Variants in NF1 observed in about 807,000 individuals in gnomAD.
NF1 encodes the protein neurofibromin 1.
In NF1, 122 loss-of-function variants were observed where a neutral mutation model predicts 325.7. That is an observed-to-expected ratio of 0.37 (90% CI 0.32 to 0.44). The LOEUF is 0.44. Among genes scored for constraint, NF1 ranks in the 20% least tolerant of loss-of-function variants. NF1 has a pLI of 1.00. For missense variants in NF1, 2,140 were observed against 3,415.4 expected (o/e 0.63, Z 9.31); for synonymous variants, 1,091 against 1,186.0 (o/e 0.92, Z 1.65).
At chr17:31,128,597 A>T (rs1915084266) in intron 1 of NF1, 1 of 152,094 alleles carries the variant, frequency 6.6e-6, no homozygotes, top group Non-Finnish European at 1.5e-5. Context: ...GTTTGGCCCA[A>T]TATGAAATTC....
chr17:31,233,540 C>T (rs1456483055), intron 27 of NF1, among the ~76,000 whole-genome samples: 4 of 152,148 alleles, frequency 2.6e-5, no homozygotes, highest in South Asian at 2.1e-4. Flanking sequence ...TTGGAATCCA[C>T]GATTTGTGCC....
In NF1 at chr17:31,170,005, T is replaced by C. The variant is rs747519567; in HGVS notation, c.586+8T>C. On this transcript the variant is annotated splice_region_variant and intron_variant, in intron 5 of 57. Transcript: ENST00000358273. ...TAAAACGACTCCTGAAGGGTAAGTT[T>C]AAATGTATAATATATCTGAAAAAAA... The C allele has an allele frequency of 6.4e-7, 1 of 1,554,534 alleles. No homozygotes were observed. The highest frequency in any genetic ancestry group is 8.9e-7 in the Non-Finnish European group (1 of 1,127,180).
intron 36 of NF1, among the ~76,000 whole-genome samples, chr17:31,280,994 T>C (rs1211364270): frequency 2.0e-5 from 3 of 152,124 alleles, no homozygotes; most frequent in East Asian, 3.8e-4. Flanking sequence ...AAAGGAAATA[T>C]AGAACTATGA....
At chr17:31,111,625 C>T (rs1339611351) in intron 1 of NF1, among the ~76,000 whole-genome samples, 1 of 152,116 alleles carries the variant, frequency 6.6e-6, no homozygotes, top group African/African-American at 2.4e-5. Context: ...GGCAAAAAAA[C>T]CTGCCAAGCT....
intron 36 of NF1, among the ~76,000 whole-genome samples, chr17:31,268,826 G>T (rs995128270): frequency 6.6e-6 from 1 of 151,842 alleles, no homozygotes; most frequent in Non-Finnish European, 1.5e-5. Flanking sequence ...ATACTCCCAA[G>T]TAGCTGGGAC....
chr17:31,279,124 A>G (rs111460433), intron 36 of NF1, among the ~76,000 whole-genome samples: 1 of 152,108 alleles, frequency 6.6e-6, no homozygotes, highest in Admixed American at 6.5e-5. Context: ...ACACACCTGT[A>G]TAGTCTTAGC....
At chr17:31,194,653 A>C (rs2066403815) in intron 8 of NF1, among the ~76,000 whole-genome samples, 1 of 152,166 alleles carries the variant, frequency 6.6e-6, no homozygotes, top group African/African-American at 2.4e-5. Flanking sequence ...ATACATCAAA[A>C]AATTTAAAAT....
At chr17:31,173,015 C>G (rs1200689765) in intron 5 of NF1, among the ~76,000 whole-genome samples, 1 of 152,088 alleles carries the variant, frequency 6.6e-6, no homozygotes, top group Non-Finnish European at 1.5e-5. Flanking sequence ...GGCGCAGTGG[C>G]TCACACCTGT....
intron 29 of NF1, among the ~76,000 whole-genome samples, chr17:31,247,525 A>C (rs1377734927): frequency 6.6e-6 from 1 of 152,202 alleles, no homozygotes; most frequent in Non-Finnish European, 1.5e-5. Flanking sequence ...ATAGAAGTTA[A>C]AAACATGAGC....
At chr17:31,181,992 G>A (rs1303788396) in intron 7 of NF1, among the ~76,000 whole-genome samples, 1 of 152,128 alleles carries the variant, frequency 6.6e-6, no homozygotes, top group Non-Finnish European at 1.5e-5. Flanking sequence ...AGCAAACAAA[G>A]TAGTTTGAAA....
At chr17:31,182,454 T>C (rs571945307) in intron 7 of NF1, 54 bp from the exon 8 acceptor site, 2 of 1,572,668 alleles carry the variant, frequency 1.3e-6, no homozygotes, top group Non-Finnish European at 1.7e-6. Context: ...TTTACTTTAA[T>C]GCCAGGGATT....
At chr17:31,252,570 T>A (rs2067513686) in intron 30 of NF1, 2 of 240,230 alleles carry the variant, frequency 8.3e-6, no homozygotes, top group South Asian at 2.5e-4. Context: ...ACAAATGTTT[T>A]TAGTGTGTGA....
intron 1 of NF1, among the ~76,000 whole-genome samples, chr17:31,118,806 A>G (rs959751626): frequency 2.0e-5 from 3 of 152,232 alleles, no homozygotes; most frequent in African/African-American, 7.2e-5. Flanking sequence ...GTATATACCC[A>G]GTAATTGGAT....
chr17:31,222,002 TG>T (rs1172800479), intron 15 of NF1, 73 bp downstream of exon 15: 4 of 1,482,074 alleles, frequency 2.7e-6, no homozygotes, highest in Non-Finnish European at 3.6e-6. Flanking sequence ...ATATTAACTC[TG>T]TAGTACTTAG....
At chr17:31,237,946 C>T (rs1176441858) in intron 29 of NF1, among the ~76,000 whole-genome samples, 2 of 152,090 alleles carry the variant, frequency 1.3e-5, no homozygotes, top group South Asian at 2.1e-4. Context: ...CTCCTGTGTT[C>T]ACAACATGAA....
intron 1 of NF1, among the ~76,000 whole-genome samples, chr17:31,102,082 A>G (rs1249294141): frequency 1.3e-5 from 2 of 152,200 alleles, no homozygotes; most frequent in Non-Finnish European, 1.5e-5. Context: ...CATGTTTGCA[A>G]TAGCCTAGGT....
intron 29 of NF1, among the ~76,000 whole-genome samples, chr17:31,246,243 C>T (rs1264683508): frequency 1.3e-5 from 2 of 152,208 alleles, no homozygotes; most frequent in Non-Finnish European, 2.9e-5. Flanking sequence ...TTACCTGCCG[C>T]ACCTACTTTC....
intron 1 of NF1, among the ~76,000 whole-genome samples, chr17:31,139,483 A>T (rs1417219781): frequency 6.6e-6 from 1 of 152,084 alleles, no homozygotes; most frequent in East Asian, 1.9e-4. Context: ...CTATTAAATT[A>T]TCATGTAGAC....
intron 46 of NF1, among the ~76,000 whole-genome samples, chr17:31,339,971 G>C (rs751589874): frequency 6.6e-6 from 1 of 152,134 alleles, no homozygotes; most frequent in Non-Finnish European, 1.5e-5. Flanking sequence ...CAAAGGAATC[G>C]AGAGAGGGAA....
Sources: allele counts gnomAD v4.1 joint callset (sites outside exome capture counted in the v4.1 genomes callset), GRCh38; gene constraint gnomAD v4.1.1; transcripts MANE v1.5; gene names NCBI Gene and HGNC (gene_info 2026-07-23, HGNC 2026-07-21).